The following SUMF1 variants were observed in gnomAD, a reference collection of about 807,000 sequenced individuals.
The protein encoded by SUMF1 is sulfatase modifying factor 1.
SUMF1 carries 48 observed loss-of-function variants against 47.6 expected under a neutral mutation model. That is an observed-to-expected ratio of 1.01 (90% confidence interval 0.80 to 1.28). The LOEUF is 1.28. Among genes scored for constraint, SUMF1 ranks in the 50% most tolerant of loss-of-function variants. The pLI is 0.00. For missense variants in SUMF1, 571 were observed against 485.4 expected, an observed-to-expected ratio of 1.18 and a Z score of -1.66; for synonymous variants, 230 against 192.1, an observed-to-expected ratio of 1.20 and a Z score of -1.63.
At chr3:4,377,252 A>G (rs1038426103) in intron 7 of SUMF1, among the ~76,000 whole-genome samples, 1 of 152,192 alleles carries the variant, frequency 6.6e-6, no homozygotes, top group Admixed American at 6.5e-5. Context: ...TTTTAAGTGC[A>G]CAGTTCCAGT....
chr3:4,213,578 TA>T (rs1386822057), intron 8 of SUMF1, among the ~76,000 whole-genome samples: 1 of 152,178 alleles, frequency 6.6e-6, no homozygotes, highest in Non-Finnish European at 1.5e-5. Flanking sequence ...ACCATAAATG[TA>T]AATGGGCTAA....
chr3:4,124,497 A>T (rs1693611920), intron 8 of SUMF1, among the ~76,000 whole-genome samples: 1 of 152,126 alleles, frequency 6.6e-6, no homozygotes, highest in African/African-American at 2.4e-5. Flanking sequence ...ATTTCTTGCT[A>T]CAATTTTACA....
At chr3:4,176,445 A>C (rs755621433) in intron 8 of SUMF1, among the ~76,000 whole-genome samples, 1 of 152,184 alleles carries the variant, frequency 6.6e-6, no homozygotes, top group Non-Finnish European at 1.5e-5. Context: ...ACTAAGCTTC[A>C]TAATTGAAGG....
In SUMF1 at chr3:4,441,621, C is replaced by T. The variant is rs151088875; in HGVS notation, c.519+7645G>A. On this transcript the variant is annotated intron_variant, in intron 3 of 8. Coordinates refer to ENST00000272902, the MANE Select transcript of SUMF1 (RefSeq NM_182760.4). The stretch of plus-strand genomic sequence containing the variant: ...AAACTTGCCTTAATCCCTTCTGGGA[C>T]TTAATATCTATACCTTTTAAGATTC... Among the ~76,000 whole-genome samples the T allele has an allele frequency of 4.5e-3, 686 of 152,234 alleles. 4 individuals carry two copies. The highest frequency in any genetic ancestry group is 0.01 in the Middle Eastern group (3 of 294).
intron 8 of SUMF1, among the ~76,000 whole-genome samples, chr3:4,201,034 T>C (rs2125152204): frequency 6.6e-6 from 1 of 152,260 alleles, no homozygotes; most frequent in South Asian, 2.1e-4. Context: ...TATATATTTA[T>C]AAGGTATATG....
chr3:4,390,880 G>A (rs1477044252), intron 7 of SUMF1, among the ~76,000 whole-genome samples: 2 of 152,146 alleles, frequency 1.3e-5, no homozygotes, highest in Admixed American at 6.6e-5. Flanking sequence ...TCCATGGTCT[G>A]CTTATAATTC....
chr3:4,311,381 A>G lies in SUMF1; in HGVS notation c.1014+64949T>C, dbSNP rs537507217. Reference sequence around the variant, plus strand: ...CATTCCTTCAGGTGCTTTAAAATCTATCCCCAATGAAAGGCCGTGCAACTG... The same window carrying G: ...CATTCCTTCAGGTGCTTTAAAATCTGTCCCCAATGAAAGGCCGTGCAACTG... On this transcript the variant is annotated intron_variant and NMD_transcript_variant, in intron 8 of 12. Transcript: ENST00000448413. Among the ~76,000 whole-genome samples, 27 of 152,300 alleles carry G rather than the reference A, an allele frequency of 1.8e-4. 2 individuals are homozygous for G. In the South Asian group the frequency reaches 5.6e-3, roughly 32 times the overall value.
chr3:4,066,376 TG>T (rs1473383024), intron 9 of SUMF1, among the ~76,000 whole-genome samples: 15 of 152,162 alleles, frequency 9.9e-5, no homozygotes, highest in African/African-American at 3.6e-4. Flanking sequence ...AAAATTTAAC[TG>T]TTATATTTCT....
chr3:4,224,059 CG>C (rs890938043), intron 8 of SUMF1, among the ~76,000 whole-genome samples: 9 of 151,850 alleles, frequency 5.9e-5, no homozygotes, highest in African/African-American at 1.9e-4. Flanking sequence ...AACCAGGGGC[CG>C]GGGGTGGAGT....
At chr3:4,378,346 C>A (rs940145669) in intron 7 of SUMF1, among the ~76,000 whole-genome samples, 1 of 152,046 alleles carries the variant, frequency 6.6e-6, no homozygotes. Flanking sequence ...CAGTTTCTAC[C>A]AAAGGCATAT....
intron 8 of SUMF1, among the ~76,000 whole-genome samples, chr3:4,084,342 A>G (rs962265590): frequency 1.3e-5 from 2 of 152,148 alleles, no homozygotes; most frequent in Non-Finnish European, 2.9e-5. Context: ...GAAATGTTGT[A>G]ATTTCCCAAA....
intron 7 of SUMF1, among the ~76,000 whole-genome samples, chr3:4,405,577 G>A (rs115316619): frequency 0.033 from 4,996 of 152,136 alleles, 107 homozygotes; most frequent in Non-Finnish European, 0.048. Flanking sequence ...TTGTAAAGAT[G>A]AGATTTTGCC....
intron 7 of SUMF1, among the ~76,000 whole-genome samples, chr3:4,383,174 C>T (rs898441610): frequency 6.6e-6 from 1 of 151,786 alleles, no homozygotes; most frequent in African/African-American, 2.4e-5. Context: ...AGGTCAGGAG[C>T]TCAAGACCAT....
intron 8 of SUMF1, chr3:4,316,316 A>T (rs781284621): frequency 3.6e-5 from 44 of 1,222,856 alleles, no homozygotes; most frequent in Non-Finnish European, 4.8e-5. Context: ...TCAACAATGC[A>T]TTTGGCCCAG....
At chr3:4,261,984 A>C (rs1444400730) in intron 8 of SUMF1, among the ~76,000 whole-genome samples, 1 of 152,226 alleles carries the variant, frequency 6.6e-6, no homozygotes, top group Non-Finnish European at 1.5e-5. Flanking sequence ...GAATGAGAAT[A>C]AAGGGAAGGA....
chr3:4,428,091 A>G (rs1244360306), intron 3 of SUMF1, among the ~76,000 whole-genome samples: 1 of 152,254 alleles, frequency 6.6e-6, no homozygotes, highest in East Asian at 1.9e-4. Context: ...CATTTATTTC[A>G]TACCATTTGA....
chr3:4,323,093 CA>C (rs201153463), intron 8 of SUMF1, among the ~76,000 whole-genome samples: 1 of 151,282 alleles, frequency 6.6e-6, no homozygotes, highest in African/African-American at 2.4e-5. Context: ...TTCATAATAG[CA>C]AAAAAAAGTA....
intron 8 of SUMF1, among the ~76,000 whole-genome samples, chr3:4,133,232 T>G (rs2125088797): frequency 6.6e-6 from 1 of 152,314 alleles, no homozygotes; most frequent in African/African-American, 2.4e-5. Context: ...TTTATTGATT[T>G]CACATCAGCA....
chr3:4,267,730 GA>G (rs1371450085), intron 8 of SUMF1, among the ~76,000 whole-genome samples: 1 of 150,376 alleles, frequency 6.6e-6, no homozygotes, highest in Non-Finnish European at 1.5e-5. Flanking sequence ...AAAAAGTCAG[GA>G]AACAACAGGT....
Sources: allele counts gnomAD v4.1 joint callset (sites outside exome capture counted in the v4.1 genomes callset), GRCh38; gene constraint gnomAD v4.1.1; transcripts MANE v1.5; gene names NCBI Gene and HGNC (gene_info 2026-07-23, HGNC 2026-07-21).